SOX6: variants seen among roughly 807,000 people sequenced by gnomAD.
SOX6 encodes the protein SRY-box transcription factor 6.
A neutral mutation model predicts 97.8 loss-of-function variants in SOX6; 11 were observed. The ratio of observed to expected loss-of-function variants is 0.11; its 90% confidence interval spans 0.07 to 0.19. SOX6 has a LOEUF of 0.19. Ranked by LOEUF, SOX6 falls within the 10% of genes least tolerant of loss-of-function variation. SOX6 has a pLI of 1.00. For missense variants in SOX6, 810 were observed against 1,039.5 expected (o/e 0.78, Z 3.04); for synonymous variants, 360 against 371.4 (o/e 0.97, Z 0.35).
In SOX6 at chr11:16,501,040, C is replaced by T. The variant is rs186505217; in HGVS notation, n.610-24652G>A. Reference sequence around the variant, plus strand: ...CAAAAGAACAAAGATGGAAGCACCACGCTACCTGACTTCAAACTATACCAC... The same window carrying T: ...CAAAAGAACAAAGATGGAAGCACCATGCTACCTGACTTCAAACTATACCAC... On this transcript the variant is annotated intron_variant and non_coding_transcript_variant, in intron 4 of 5. Transcript: ENST00000524520. 1.5e-3 allele frequency among the ~76,000 whole-genome samples: 226 copies of T among 152,290 alleles called. 1 individual carries two copies. Among genetic ancestry groups the T allele is most frequent in the Middle Eastern group, 3.4e-3 (1 of 294 alleles).
chr11:16,540,827 CA>C (rs1861394741), intron 4 of SOX6, among the ~76,000 whole-genome samples: 1 of 152,062 alleles, frequency 6.6e-6, no homozygotes, highest in South Asian at 2.1e-4. Flanking sequence ...AAAGAGGATA[CA>C]AACAAATGGA....
chr11:15,984,693 C>A (rs932016141), intron 15 of SOX6, among the ~76,000 whole-genome samples: 1 of 152,124 alleles, frequency 6.6e-6, no homozygotes, highest in Non-Finnish European at 1.5e-5. Flanking sequence ...GTCATGTCTT[C>A]ATTTATTAAC....
At chr11:16,132,430 A>AAAG in intron 6 of SOX6, among the ~76,000 whole-genome samples, 1 of 104,898 alleles carries the variant, frequency 9.5e-6, no homozygotes, top group Non-Finnish European at 1.8e-5. Context: ...AGAAAGAAAG[A>AAAG]AAGAAAGAAA....
chr11:16,443,778 G>T (rs1400879115), intron 1 of SOX6, among the ~76,000 whole-genome samples: 1 of 151,976 alleles, frequency 6.6e-6, no homozygotes, highest in African/African-American at 2.4e-5. Flanking sequence ...ACTTTGGAAG[G>T]CCGAGGCAGG....
chr11:16,391,142 T>C (rs1397094384), intron 1 of SOX6, among the ~76,000 whole-genome samples: 1 of 152,056 alleles, frequency 6.6e-6, no homozygotes, highest in Non-Finnish European at 1.5e-5. Flanking sequence ...AGTTGAACAA[T>C]AAGAACACAT....
chr11:16,217,890 G>T lies in SOX6; in HGVS notation c.535+16692C>A, dbSNP rs533448061. On this transcript the variant is annotated intron_variant, in intron 4 of 15. Coordinates refer to ENST00000683767, the MANE Select transcript of SOX6 (RefSeq NM_001367873.1). Reference sequence around the variant, plus strand: ...CAGCTATGAAAATAAACAGTTACCTGCCTGTAATTGGTTTATAACAGCTGC... The same window carrying T: ...CAGCTATGAAAATAAACAGTTACCTTCCTGTAATTGGTTTATAACAGCTGC... Among the ~76,000 whole-genome samples, 5 of 152,004 alleles carry T rather than the reference G, an allele frequency of 3.3e-5. No homozygotes were observed. The East Asian group carries it at 9.7e-4, about 29-fold the overall frequency.
intron 8 of SOX6, among the ~76,000 whole-genome samples, chr11:16,096,778 T>G (rs1848808447): frequency 6.6e-6 from 1 of 151,946 alleles, no homozygotes; most frequent in East Asian, 1.9e-4. Context: ...AAAACTATCT[T>G]TAATAAAACT....
intron 4 of SOX6, among the ~76,000 whole-genome samples, chr11:16,496,647 G>A (rs1860602607): frequency 6.6e-6 from 1 of 152,200 alleles, no homozygotes; most frequent in Non-Finnish European, 1.5e-5. Context: ...AATGGTCTTA[G>A]CAAACGGCAC....
At chr11:16,167,435 G>A (rs1414453249) in intron 6 of SOX6, among the ~76,000 whole-genome samples, 1 of 152,084 alleles carries the variant, frequency 6.6e-6, no homozygotes, top group East Asian at 1.9e-4. Context: ...TTGCAACACA[G>A]TAGCCAGAAT....
chr11:16,046,406 G>A, intron 12 of SOX6, 108 bp downstream of exon 12: 1 of 1,215,544 alleles, frequency 8.2e-7, no homozygotes, highest in Non-Finnish European at 1.2e-6. Flanking sequence ...CCTCAAGCTG[G>A]AAGCCCAAAT....
At position 16,328,304 on chromosome 11, in the gene SOX6, T is replaced by C. The variant is rs186449516; in HGVS notation, c.238-9651A>G. 1.1e-3 allele frequency among the ~76,000 whole-genome samples: 167 copies of C among 152,306 alleles called. 4 individuals are homozygous for C. Among genetic ancestry groups the C allele is most frequent in the Admixed American group, 0.011 (165 of 15,290 alleles). On this transcript the variant is annotated intron_variant, in intron 2 of 15. Transcript: ENST00000683767. ...AAAATGAGTAATAAACCCAATGTGTTCAGCTACAGGTATGTTCCTGGTAGT... is the reference window on the plus strand; with the variant it reads ...AAAATGAGTAATAAACCCAATGTGTCCAGCTACAGGTATGTTCCTGGTAGT...
chr11:16,559,882 T>G (rs894267885), intron 4 of SOX6, among the ~76,000 whole-genome samples: 7 of 152,164 alleles, frequency 4.6e-5, no homozygotes, highest in Admixed American at 4.6e-4. Flanking sequence ...TCCTAGCATA[T>G]TAATGCACTA....
intron 6 of SOX6, among the ~76,000 whole-genome samples, chr11:16,141,012 G>A (rs1490963728): frequency 1.3e-5 from 2 of 152,008 alleles, no homozygotes; most frequent in African/African-American, 4.8e-5. Context: ...TACATGGGAA[G>A]CTGAGACAGG....
rs994985294 is a variant in SOX6, at chr11:16,282,505, C to T, written c.445+35941G>A. 3.3e-5 allele frequency among the ~76,000 whole-genome samples: 5 copies of T among 151,640 alleles called. No individual in the cohort carries two copies. The South Asian group carries it at 1.0e-3, about 31-fold the overall frequency. On this transcript the variant is annotated intron_variant, in intron 3 of 15. Coordinates refer to ENST00000683767, the MANE Select transcript of SOX6 (RefSeq NM_001367873.1). ...AATTTCTTGAATATGCAAAGTAACTCTATCAAATTGGCCAGCTATAACTGT... is the reference window on the plus strand; with the variant it reads ...AATTTCTTGAATATGCAAAGTAACTTTATCAAATTGGCCAGCTATAACTGT...
chr11:16,722,542 T>C (rs1436588167), intron 2 of SOX6, among the ~76,000 whole-genome samples: 5 of 151,884 alleles, frequency 3.3e-5, no homozygotes, highest in East Asian at 1.9e-4. Flanking sequence ...TCCCAGCCAC[T>C]TGGGAGGCTG....
intron 4 of SOX6, chr11:16,606,141 C>G (rs901362521): frequency 6.6e-6 from 1 of 151,962 alleles, no homozygotes; most frequent in Non-Finnish European, 1.5e-5. Context: ...CAGCCCTCCC[C>G]CTAGTCTCGG....
At chr11:16,151,156 A>T (rs1315852655) in intron 6 of SOX6, among the ~76,000 whole-genome samples, 1 of 152,152 alleles carries the variant, frequency 6.6e-6, no homozygotes, top group Non-Finnish European at 1.5e-5. Context: ...ACATTTTTTT[A>T]ATGACATTGG....
chr11:16,051,843 A>T (rs1460763183), intron 10 of SOX6, among the ~76,000 whole-genome samples: 1 of 152,088 alleles, frequency 6.6e-6, no homozygotes, highest in Admixed American at 6.6e-5. Context: ...CTAATTGCAT[A>T]CATTAGTCTA....
intron 4 of SOX6, among the ~76,000 whole-genome samples, chr11:16,216,805 T>C (rs547825762): frequency 6.6e-6 from 1 of 152,244 alleles, no homozygotes; most frequent in African/African-American, 2.4e-5. Context: ...TTCTTCCTAA[T>C]ATCAAAACTG....
Sources: allele counts gnomAD v4.1 joint callset (sites outside exome capture counted in the v4.1 genomes callset), GRCh38; gene constraint gnomAD v4.1.1; transcripts MANE v1.5; gene names NCBI Gene and HGNC (gene_info 2026-07-23, HGNC 2026-07-21).